Variants in BCR observed in about 807,000 individuals in gnomAD.
The protein encoded by BCR is BCR activator of RhoGEF and GTPase, also known as breakpoint cluster region protein.
A neutral mutation model predicts 138.6 loss-of-function variants in BCR; 58 were observed. The ratio of observed to expected loss-of-function variants is 0.42; its 90% CI spans 0.34 to 0.52. The LOEUF is 0.52. Ranked by LOEUF, BCR falls within the 20% of genes least tolerant of loss-of-function variation. The probability of loss-of-function intolerance (pLI) is 0.06; values close to 1 mark genes in which losing one functional copy is unlikely to be tolerated. For missense variants in BCR, 1,599 were observed against 1,727.2 expected (o/e 0.93, Z 1.32); for synonymous variants, 786 against 730.1 (o/e 1.08, Z -1.23).
chr22:23,295,789 G>A (rs1296358561), intron 16 of BCR, among the ~76,000 whole-genome samples: 3 of 152,224 alleles, frequency 2.0e-5, no homozygotes, highest in East Asian at 3.9e-4. Flanking sequence ...CTGGGAGCAC[G>A]CCACCAGGGT....
In BCR at chr22:23,292,184, T is replaced by C. The variant is rs529526663; in HGVS notation, c.2783-357T>C. Reference sequence around the variant, plus strand: ...ATCCCCCAGGATGGCTGCCCTCTGCTGTGGCATCACTGTGTAACAATGGCG... The same window carrying C: ...ATCCCCCAGGATGGCTGCCCTCTGCCGTGGCATCACTGTGTAACAATGGCG... On this transcript the variant is annotated intron_variant, in intron 14 of 22. Coordinates refer to ENST00000305877, the MANE Select transcript of BCR (RefSeq NM_004327.4). Among the ~76,000 whole-genome samples the C allele has an allele frequency of 2.1e-3, 318 of 152,328 alleles. 1 individual carries two copies. Among genetic ancestry groups the C allele is most frequent in the Non-Finnish European group, 2.6e-3 (177 of 68,032 alleles).
chr22:23,284,161 G>A lies in BCR; in HGVS notation c.2237+63G>A, dbSNP rs558502213. 1.1e-5 allele frequency: 17 copies of A among 1,592,980 alleles called. No homozygotes were observed. In the South Asian group the frequency reaches 1.7e-4, roughly 16 times the overall value. On this transcript the variant is annotated intron_variant, in intron 9 of 22. Coordinates refer to ENST00000305877, the MANE Select transcript of BCR (RefSeq NM_004327.4). ...CACCCTGACTCTCCAGGTCATGGAG[G>A]GTCTTGTCATGGCGGAGGTCAGTGG...
At chr22:23,254,123 A>G in intron 2 of BCR, 143 bp downstream of exon 2, 1 of 917,004 alleles carries the variant, frequency 1.1e-6, no homozygotes, top group Admixed American at 2.8e-5. Flanking sequence ...CTCCTTCCTC[A>G]TCTCTACATG....
Position 23,295,971 on chromosome 22 carries a change from G to T in BCR, c.3012+816G>T, listed in dbSNP as rs140560079. On this transcript the variant is annotated intron_variant, in intron 16 of 22. Coordinates refer to ENST00000305877, the MANE Select transcript of BCR (RefSeq NM_004327.4). ...CCAGGACCTTCCATCTTCACAAGAGGCCTCTAGAGGGAGTGGGTTTGGCTT... is the reference window on the plus strand; with the variant it reads ...CCAGGACCTTCCATCTTCACAAGAGTCCTCTAGAGGGAGTGGGTTTGGCTT... Among the ~76,000 whole-genome samples, 611 of 152,220 alleles carry T rather than the reference G, an allele frequency of 4.0e-3. 1 individual carries two copies. Among genetic ancestry groups the T allele is most frequent in the Middle Eastern group, 0.02 (6 of 294 alleles).
At chr22:23,311,387 G>C (rs2074005688) in intron 18 of BCR, among the ~76,000 whole-genome samples, 1 of 151,362 alleles carries the variant, frequency 6.6e-6, no homozygotes, top group South Asian at 2.1e-4. Context: ...CTAACCCCAG[G>C]CCTGGAATCT....
At chr22:23,226,507 A>C (rs1399106178) in intron 1 of BCR, among the ~76,000 whole-genome samples, 9 of 152,168 alleles carry the variant, frequency 5.9e-5, no homozygotes, top group Admixed American at 5.9e-4. Flanking sequence ...GTGAATTTCT[A>C]AGTCTGTGTT....
At chr22:23,284,795 G>A (rs1183950870) in intron 9 of BCR, among the ~76,000 whole-genome samples, 2 of 152,210 alleles carry the variant, frequency 1.3e-5, no homozygotes, top group Admixed American at 1.3e-4. Context: ...AGGACAAGGT[G>A]GATCTAGACT....
chr22:23,183,118 CTA>C (rs531628111), intron 1 of BCR, among the ~76,000 whole-genome samples: 341 of 152,330 alleles, frequency 2.2e-3, no homozygotes, highest in Middle Eastern at 6.8e-3. Context: ...AAGATTAAAA[CTA>C]TGGGATTGTA....
chr22:23,190,208 C>G (rs2072396429), intron 1 of BCR, among the ~76,000 whole-genome samples: 3 of 152,116 alleles, frequency 2.0e-5, no homozygotes, highest in African/African-American at 7.2e-5. Flanking sequence ...ACTCTTGTCA[C>G]CCAGACTGGA....
At chr22:23,262,972 A>G (rs2073384888) in intron 4 of BCR, 6 of 974,882 alleles carry the variant, frequency 6.2e-6, no homozygotes, top group Non-Finnish European at 6.7e-6. Context: ...GGCATCATCA[A>G]AGGAGATGAG....
rs568261332 is a variant in BCR, at chr22:23,182,291, C to T, written c.1279+52C>T. On this transcript the variant is annotated intron_variant, in intron 1 of 22. Transcript: ENST00000305877. ...GCACACCTGCACGGGGGAGGAAAACCATAGACGAGTAGGGGATACAAAACA... is the reference window on the plus strand; with the variant it reads ...GCACACCTGCACGGGGGAGGAAAACTATAGACGAGTAGGGGATACAAAACA... The T allele has an allele frequency of 7.3e-5, 108 of 1,473,274 alleles. No individual in the cohort carries two copies. The African/African-American group carries it at 1.2e-3, about 16-fold the overall frequency. 91.3% of individuals were successfully genotyped at this position (1,473,274 alleles called of 1,614,324 possible).
intron 1 of BCR, among the ~76,000 whole-genome samples, chr22:23,192,083 C>A (rs1418230568): frequency 3.3e-5 from 5 of 152,198 alleles, no homozygotes; most frequent in Non-Finnish European, 5.9e-5. Flanking sequence ...ATAGACCCAC[C>A]TTCCTGGGGC....
chr22:23,313,953 C>G lies in BCR; in HGVS notation c.3458-15C>G. 1 of 1,609,804 alleles carries G rather than the reference C, an allele frequency of 6.2e-7. No homozygotes were observed. Among genetic ancestry groups the G allele is most frequent in the Non-Finnish European group, 8.5e-7 (1 of 1,176,678 alleles). ...CTCGTTGTGACCCCAAGGAGTAACCCACCGCCTTCTGCAGCTCTTTCAGAC... is the reference window on the plus strand; with the variant it reads ...CTCGTTGTGACCCCAAGGAGTAACCGACCGCCTTCTGCAGCTCTTTCAGAC... On this transcript the variant is annotated splice_polypyrimidine_tract_variant and intron_variant, in intron 20 of 22. Coordinates refer to ENST00000305877, the MANE Select transcript of BCR (RefSeq NM_004327.4).
At chr22:23,293,796 G>A (rs537472882) in intron 15 of BCR, among the ~76,000 whole-genome samples, 16 of 152,072 alleles carry the variant, frequency 1.1e-4, no homozygotes, top group African/African-American at 3.9e-4. Flanking sequence ...TGTTCCTGGC[G>A]CACACACACA....
At chr22:23,274,125 G>GT (rs926585651) in intron 8 of BCR, among the ~76,000 whole-genome samples, 2 of 152,148 alleles carry the variant, frequency 1.3e-5, no homozygotes, top group Non-Finnish European at 2.9e-5. Flanking sequence ...AAGGAGGTGA[G>GT]TAGGAGGATG....
At chr22:23,312,176 G>A (rs1230613624) in intron 19 of BCR, among the ~76,000 whole-genome samples, 1 of 152,208 alleles carries the variant, frequency 6.6e-6, no homozygotes, top group Non-Finnish European at 1.5e-5. Flanking sequence ...CAGGCAGAGG[G>A]CACTGATGAA....
chr22:23,298,552 C>T (rs943112831), intron 16 of BCR, among the ~76,000 whole-genome samples: 2 of 151,256 alleles, frequency 1.3e-5, no homozygotes, highest in African/African-American at 4.9e-5. Context: ...CCTTCCCTTC[C>T]TTCCTTTTCT....
intron 14 of BCR, among the ~76,000 whole-genome samples, chr22:23,292,216 C>G (rs1486718554): frequency 6.6e-6 from 1 of 152,174 alleles, no homozygotes; most frequent in African/African-American, 2.4e-5. Flanking sequence ...GGCGTGTACA[C>G]CTCTCTGTCC....
At chr22:23,271,933 C>G (rs1205623961) in intron 6 of BCR, among the ~76,000 whole-genome samples, 1 of 152,030 alleles carries the variant, frequency 6.6e-6, no homozygotes, top group Non-Finnish European at 1.5e-5. Context: ...TCAAGTGATC[C>G]TCCTGCCTCA....
Sources: allele counts gnomAD v4.1 joint callset (sites outside exome capture counted in the v4.1 genomes callset), GRCh38; gene constraint gnomAD v4.1.1; transcripts MANE v1.5; gene names NCBI Gene and HGNC (gene_info 2026-07-23, HGNC 2026-07-21).